FRMPD4: variants seen among roughly 807,000 people sequenced by gnomAD.
FRMPD4 encodes the protein FERM and PDZ domain-containing protein 4.
FRMPD4 carries 22 observed loss-of-function variants against 94.1 expected under a neutral mutation model. That is an observed-to-expected ratio of 0.23 (90% CI 0.17 to 0.33). FRMPD4 has a LOEUF of 0.33. Ranked by LOEUF, FRMPD4 falls within the 10% of genes least tolerant of loss-of-function variation. The pLI, the probability that FRMPD4 is intolerant of heterozygous loss-of-function variation, is 1.00. For missense variants in FRMPD4, 1,111 were observed against 1,339.9 expected (o/e 0.83, Z 2.67); for synonymous variants, 631 against 548.6 (o/e 1.15, Z -2.10).
At chrX:11,845,048 TATA>T (rs1202009298) in intron 1 of FRMPD4, among the ~76,000 whole-genome samples, 2 of 112,410 alleles carry the variant, frequency 1.8e-5, no homozygotes, top group Admixed American at 1.9e-4. Context: ...TCCATCTGGA[TATA>T]ATGATTATCT....
At chrX:12,154,452 A>G (rs1171356986) in intron 1 of FRMPD4, among the ~76,000 whole-genome samples, 4 of 112,212 alleles carry the variant, frequency 3.6e-5, no homozygotes, top group Non-Finnish European at 5.6e-5. Context: ...GGAAGTGTGG[A>G]AACCACACTG....
chrX:12,687,282 A>C (rs62590622), intron 7 of FRMPD4, among the ~76,000 whole-genome samples: 4 of 112,375 alleles, frequency 3.6e-5, no homozygotes, highest in Non-Finnish European at 7.5e-5. Flanking sequence ...ATTCCAGATG[A>C]AATATTAACT....
At chrX:12,408,299 A>T (rs1307423000) in intron 1 of FRMPD4, among the ~76,000 whole-genome samples, 2 of 108,090 alleles carry the variant, frequency 1.9e-5, no homozygotes, top group Non-Finnish European at 3.8e-5. Context: ...TCCATCCAAG[A>T]TGGAGCTGCT....
intron 1 of FRMPD4, among the ~76,000 whole-genome samples, chrX:12,237,468 A>C (rs2057082904): frequency 8.9e-6 from 1 of 112,153 alleles, no homozygotes; most frequent in South Asian, 3.7e-4. Flanking sequence ...AGATTTATTA[A>C]AATATTTTCA....
intron 3 of FRMPD4, among the ~76,000 whole-genome samples, chrX:11,959,428 G>A (rs1302692936): frequency 8.9e-6 from 1 of 112,421 alleles, no homozygotes; most frequent in Non-Finnish European, 1.9e-5. Flanking sequence ...CCCTTCAGGG[G>A]TCCCATGTAC....
intron 2 of FRMPD4, among the ~76,000 whole-genome samples, chrX:12,583,133 C>A (rs1019553577): frequency 1.8e-5 from 2 of 112,390 alleles, no homozygotes; most frequent in African/African-American, 6.5e-5. Context: ...CTGCCACCAC[C>A]TCTATTACTA....
At chrX:12,119,068 G>C (rs1487911652) in intron 3 of FRMPD4, among the ~76,000 whole-genome samples, 1 of 110,655 alleles carries the variant, frequency 9.0e-6, no homozygotes, top group Non-Finnish European at 1.9e-5. Flanking sequence ...TTTTTGGTTT[G>C]AGAGTGGCGC....
chrX:11,960,742 G>A (rs973616009), intron 3 of FRMPD4, among the ~76,000 whole-genome samples: 14 of 111,482 alleles, frequency 1.3e-4, no homozygotes, highest in South Asian at 3.7e-4. Flanking sequence ...GAATTCAACC[G>A]TATGTATATA....
At chrX:12,364,201 A>G (rs1384826693) in intron 1 of FRMPD4, among the ~76,000 whole-genome samples, 2 of 111,400 alleles carry the variant, frequency 1.8e-5, no homozygotes, top group Admixed American at 1.9e-4. Flanking sequence ...GAGGTATAGT[A>G]AGGCCAACAG....
chrX:12,654,514 T>A (rs766055685), intron 4 of FRMPD4, among the ~76,000 whole-genome samples: 5 of 111,947 alleles, frequency 4.5e-5, no homozygotes, highest in Non-Finnish European at 9.4e-5. Context: ...ATATTCATTC[T>A]CCTATAAATG....
chrX:12,060,599 G>C (rs1354374718), intron 3 of FRMPD4, among the ~76,000 whole-genome samples: 3 of 111,137 alleles, frequency 2.7e-5, no homozygotes, highest in East Asian at 5.6e-4. Context: ...TTATGTAAAA[G>C]TTAGTGCTGA....
At chrX:12,241,963 G>A (rs758428955) in intron 1 of FRMPD4, among the ~76,000 whole-genome samples, 45 of 107,065 alleles carry the variant, frequency 4.2e-4, no homozygotes, top group Non-Finnish European at 7.5e-4. Flanking sequence ...AGGAGGAGGA[G>A]GAGGAGGAAG....
intron 1 of FRMPD4, among the ~76,000 whole-genome samples, chrX:12,418,284 G>A (rs1356762663): frequency 9.2e-6 from 1 of 108,507 alleles, no homozygotes; most frequent in African/African-American, 3.3e-5. Flanking sequence ...GAAATTGGGT[G>A]ACACTGAGCT....
At chrX:12,331,668 ATATATAAAT>A (rs1339031673) in intron 1 of FRMPD4, among the ~76,000 whole-genome samples, 14 of 75,712 alleles carry the variant, frequency 1.8e-4, no homozygotes, top group Non-Finnish European at 3.2e-4. Flanking sequence ...TAATATATAA[ATATATAAAT>A]TATATATTTA....
intron 2 of FRMPD4, 78 bp from the exon 3 acceptor site, chrX:12,609,643 A>G: frequency 1.2e-6 from 1 of 855,484 alleles, no homozygotes; most frequent in Non-Finnish European, 1.7e-6. Flanking sequence ...TTTTGAAATT[A>G]AAGAGAATAT....
intron 4 of FRMPD4, among the ~76,000 whole-genome samples, chrX:12,653,870 C>A (rs907921536): frequency 8.9e-6 from 1 of 112,158 alleles, no homozygotes; most frequent in Non-Finnish European, 1.9e-5. Flanking sequence ...CGGATTCAAG[C>A]GATTCCCCTG....
At chrX:12,295,627 T>G (rs772283830) in intron 1 of FRMPD4, among the ~76,000 whole-genome samples, 2 of 112,427 alleles carry the variant, frequency 1.8e-5, no homozygotes, top group East Asian at 5.5e-4. Context: ...GATGACTAAC[T>G]CCTCTTCTAA....
chrX:12,277,970 A>C (rs1224802644), intron 1 of FRMPD4, among the ~76,000 whole-genome samples: 1 of 112,110 alleles, frequency 8.9e-6, no homozygotes, highest in Non-Finnish European at 1.9e-5. Flanking sequence ...AGTTGCCCTC[A>C]CCTATGTCCC....
intron 1 of FRMPD4, among the ~76,000 whole-genome samples, chrX:12,329,019 A>G (rs1035800688): frequency 3.5e-5 from 4 of 112,732 alleles, no homozygotes; most frequent in African/African-American, 1.3e-4. Context: ...GGAAGCCTTC[A>G]GAACAAAGAC....
Sources: gnomAD v4.1 joint callset for allele counts (sites outside exome capture counted in the v4.1 genomes callset) on GRCh38, gnomAD v4.1.1 for gene constraint, MANE v1.5 for transcripts, NCBI Gene and HGNC (gene_info 2026-07-23, HGNC 2026-07-21) for gene names.